Variants in DOCK5 observed in about 807,000 individuals in gnomAD.
DOCK5 encodes the protein dedicator of cytokinesis protein 5.
Under a neutral mutation model 251.8 loss-of-function variants are expected in DOCK5, and 142 were observed. That is an observed-to-expected ratio of 0.56 (90% CI 0.49 to 0.65). The LOEUF is 0.65. Ranked by LOEUF, DOCK5 falls within the 30% of genes least tolerant of loss-of-function variation. The probability of loss-of-function intolerance (pLI) is 0.00; values close to 1 mark genes in which losing one functional copy is unlikely to be tolerated. For synonymous variants in DOCK5, 842 were observed against 835.5 expected, an observed-to-expected ratio of 1.01 and a Z score of -0.13; for missense variants, 2,111 against 2,312.3, an observed-to-expected ratio of 0.91 and a Z score of 1.79.
intron 38 of DOCK5, among the ~76,000 whole-genome samples, chr8:25,378,224 T>C (rs1800998345): frequency 6.6e-6 from 1 of 152,196 alleles, no homozygotes; most frequent in African/African-American, 2.4e-5. Context: ...GAGACCACCA[T>C]GAGTCACCTC....
chr8:25,384,303 A>G (rs1801120643), intron 40 of DOCK5, among the ~76,000 whole-genome samples: 1 of 152,088 alleles, frequency 6.6e-6, no homozygotes, highest in African/African-American at 2.4e-5. Context: ...GGCCTGGGGA[A>G]ATTTTTGGTG....
intron 1 of DOCK5, among the ~76,000 whole-genome samples, chr8:25,226,238 C>T (rs1802526571): frequency 2.0e-5 from 3 of 150,066 alleles, no homozygotes; most frequent in South Asian, 2.1e-4. Flanking sequence ...CTTATATGTG[C>T]CAAATGTGTG....
rs986267468 is a variant in DOCK5, at chr8:25,415,131, T to C, written c.*3833T>C. On this transcript the variant is annotated 3_prime_UTR_variant, in exon 52 of 52. Transcript: ENST00000276440. Reference sequence around the variant, plus strand: ...CTGGCTATTAAGATAAAAAGATTTGTGGACATTAAAATTATGAATATGTCA... The same window carrying C: ...CTGGCTATTAAGATAAAAAGATTTGCGGACATTAAAATTATGAATATGTCA... 6.6e-6 allele frequency: 1 copy of C among 152,118 alleles called. No homozygotes were observed. The highest frequency in any genetic ancestry group is 1.5e-5 in the Non-Finnish European group (1 of 68,030). The allele number at this position is 152,118 out of a possible 1,614,324, so 9.4% of individuals were successfully genotyped here.
In DOCK5 at chr8:25,413,840, A is replaced by G. The variant is rs1216059174; in HGVS notation, c.*2542A>G. On this transcript the variant is annotated 3_prime_UTR_variant, in exon 52 of 52. Transcript: ENST00000276440. The stretch of plus-strand genomic sequence containing the variant: ...CTAAGAGATTACAGCGGACGATGGA[A>G]GGTTCATTTTTTAGGGAAGGTGTTG... The G allele has an allele frequency of 6.6e-6, 1 of 152,206 alleles. No individual in the cohort carries two copies. The highest frequency in any genetic ancestry group is 1.5e-5 in the Non-Finnish European group (1 of 68,038). The allele number at this position is 152,206 out of a possible 1,614,324, so 9.4% of individuals were successfully genotyped here.
chr8:25,372,504 CT>C, intron 34 of DOCK5, 54 bp from the exon 35 acceptor site: 1 of 1,521,608 alleles, frequency 6.6e-7, no homozygotes, highest in Non-Finnish European at 8.8e-7. Context: ...CTGGTCAGTG[CT>C]GCTGGAATGA....
At chr8:25,292,299 T>C in intron 6 of DOCK5, 127 bp downstream of exon 6, 1 of 1,129,314 alleles carries the variant, frequency 8.9e-7, no homozygotes, top group South Asian at 1.8e-5. Flanking sequence ...CTGCTCTCAT[T>C]TTGTCTTTGA....
At chr8:25,360,549 C>T (rs959321657) in intron 28 of DOCK5, among the ~76,000 whole-genome samples, 3 of 152,164 alleles carry the variant, frequency 2.0e-5, no homozygotes, top group African/African-American at 7.2e-5. Flanking sequence ...GACCATTCCA[C>T]TCCCTTGTAT....
Position 25,410,701 on chromosome 8 carries a change from A to AT in DOCK5, c.5509-492dup, listed in dbSNP as rs1455552705. Reference sequence around the variant, plus strand: ...GATCTCAAACTCCTGGCCTCAAGTGATCCCCCCCACCCACCTCAGCCTTCC... The same window carrying AT: ...GATCTCAAACTCCTGGCCTCAAGTGATTCCCCCCCACCCACCTCAGCCTTCC... On this transcript the variant is annotated intron_variant, in intron 51 of 51. Coordinates refer to ENST00000276440, the MANE Select transcript of DOCK5 (RefSeq NM_024940.8). Among the ~76,000 whole-genome samples, 3 of 59,502 alleles carry AT rather than the reference A, an allele frequency of 5.0e-5. No individual in the cohort carries two copies. In the East Asian group the frequency reaches 1.5e-3, roughly 30 times the overall value. 39.0% of individuals were successfully genotyped at this position (59,502 alleles called of 152,430 possible). A position where few individuals can be genotyped will look rare whatever the true frequency, so the allele number is the denominator to read the frequency against.
chr8:25,259,770 T>G (rs1803523260), intron 2 of DOCK5, among the ~76,000 whole-genome samples: 1 of 152,198 alleles, frequency 6.6e-6, no homozygotes, highest in Admixed American at 6.5e-5. Context: ...CTCCTTTGTT[T>G]TAAGTAAGGT....
At chr8:25,371,299 C>A (rs4434630) in intron 34 of DOCK5, among the ~76,000 whole-genome samples, 70,025 of 151,810 alleles carry the variant, frequency 0.46, 16,379 homozygotes, top group Middle Eastern at 0.54. Context: ...ATCCACCTGC[C>A]TCGGCCTCCC....
At chr8:25,194,352 G>T (rs1015468029) in intron 1 of DOCK5, among the ~76,000 whole-genome samples, 2 of 152,012 alleles carry the variant, frequency 1.3e-5, no homozygotes, top group African/African-American at 4.8e-5. Flanking sequence ...GTTTGTTTTT[G>T]TTCACATATT....
chr8:25,238,615 G>T (rs1802860597), intron 1 of DOCK5, among the ~76,000 whole-genome samples: 1 of 152,200 alleles, frequency 6.6e-6, no homozygotes, highest in African/African-American at 2.4e-5. Context: ...GCTTAGGTTG[G>T]AGAGGCAGAT....
chr8:25,409,761 G>T (rs1159023334), intron 50 of DOCK5: 1 of 164,346 alleles, frequency 6.1e-6, no homozygotes, highest in African/African-American at 2.4e-5. Flanking sequence ...CAGGAGAATG[G>T]CGTGAACCCG....
intron 28 of DOCK5, among the ~76,000 whole-genome samples, chr8:25,359,950 G>T (rs529669735): frequency 6.6e-6 from 1 of 152,362 alleles, no homozygotes; most frequent in Non-Finnish European, 1.5e-5. Context: ...TCCCTTCAGG[G>T]GATTATTAGT....
At chr8:25,241,092 T>G (rs1229941478) in intron 1 of DOCK5, among the ~76,000 whole-genome samples, 1 of 152,134 alleles carries the variant, frequency 6.6e-6, no homozygotes, top group African/African-American at 2.4e-5. Flanking sequence ...GGAAGAGAGC[T>G]CCTCTCAAAA....
At chr8:25,375,705 C>T in intron 37 of DOCK5, 4 of 984,002 alleles carry the variant, frequency 4.1e-6, no homozygotes, top group Non-Finnish European at 4.8e-6. Flanking sequence ...AATATATGGG[C>T]ATTGTCCGAA....
At position 25,184,928 on chromosome 8, in the gene DOCK5, C is replaced by T; in HGVS notation, c.20C>T (p.Thr7Ile). 1 of 1,443,854 alleles carries T rather than the reference C, an allele frequency of 6.9e-7. No individual in the cohort carries two copies. The allele number at this position is 1,443,854 out of a possible 1,614,324, so 89.4% of individuals were successfully genotyped here. The change falls in exon 1 of 52, where the codon ACC becomes ATC. Residue 7 changes from threonine to isoleucine, a missense_variant. Transcript: ENST00000276440. MARWIPTKRQKYGVAIY... is the reference protein window; with the variant it reads MARWIPIKRQKYGVAIY... ...GCCGCCATGGCCCGCTGGATCCCGA[C>T]CAAGAGGCAGAAGTACGGGGTTGGT...
intron 13 of DOCK5, among the ~76,000 whole-genome samples, chr8:25,314,336 C>T (rs994455552): frequency 1.4e-5 from 2 of 145,654 alleles, no homozygotes; most frequent in Non-Finnish European, 3.0e-5. Context: ...CCAGGCTAAT[C>T]TTGAACTCCT....
At chr8:25,365,134 T>C (rs936482236) in intron 30 of DOCK5, among the ~76,000 whole-genome samples, 1 of 152,236 alleles carries the variant, frequency 6.6e-6, no homozygotes, top group African/African-American at 2.4e-5. Flanking sequence ...TCCAAAGGAA[T>C]TGCAAAACGG....
Sources: allele counts gnomAD v4.1 joint callset (sites outside exome capture counted in the v4.1 genomes callset), GRCh38; gene constraint gnomAD v4.1.1; transcripts MANE v1.5; gene names NCBI Gene and HGNC (gene_info 2026-07-23, HGNC 2026-07-21).